Variants in CACNA2D2 observed in about 807,000 individuals in gnomAD.
CACNA2D2 encodes the protein calcium voltage-gated channel auxiliary subunit alpha2delta 2, also known as voltage-dependent calcium channel subunit alpha-2/delta-2.
Under a neutral mutation model 166.4 loss-of-function variants are expected in CACNA2D2, and 48 were observed. The observed-to-expected ratio is 0.29, with a 90% CI of 0.23 to 0.37. The LOEUF (loss-of-function observed/expected upper bound fraction) is 0.37. Ranked by LOEUF, CACNA2D2 falls within the 10% of genes least tolerant of loss-of-function variation. The pLI is 1.00. For synonymous variants in CACNA2D2, 561 were observed against 573.7 expected (o/e 0.98, Z 0.32); for missense variants, 1,122 against 1,433.0 (o/e 0.78, Z 3.50).
chr3:50,375,769 G>A lies in CACNA2D2; in HGVS notation c.1845+40C>T, dbSNP rs372471566. ...GCAGGGGGCGCTGGGGTAGAAGGGT[G>A]CCCACCCTGACTCCCTGGCCCCCAG... On this transcript the variant is annotated intron_variant, in intron 20 of 37. Transcript: ENST00000424201. The surrounding 1 kb of genome is among the most constrained non-coding windows in gnomAD (Gnocchi z 4.0). The A allele has an allele frequency of 2.2e-5, 35 of 1,612,668 alleles. No individual in the cohort carries two copies. The highest frequency in any genetic ancestry group is 8.0e-5 in the African/African-American group (6 of 74,910).
chr3:50,450,473 C>T (rs1416599241), intron 2 of CACNA2D2, among the ~76,000 whole-genome samples: 8 of 152,072 alleles, frequency 5.3e-5, no homozygotes, highest in Non-Finnish European at 1.0e-4. Flanking sequence ...AAATGAATCT[C>T]GAATCTTAAG....
At position 50,363,389 on chromosome 3, in the gene CACNA2D2, C is replaced by T; in HGVS notation, c.*1277G>A. On this transcript the variant is annotated 3_prime_UTR_variant, in exon 38 of 38. Transcript: ENST00000424201. ...CTATATCCCCTTGCCCTCAGTTCCC[C>T]ACTGGCCCCCAGGCTGGGATGCCTT... The T allele has an allele frequency of 2.5e-6, 1 of 397,796 alleles. No individual in the cohort carries two copies. The highest frequency in any genetic ancestry group is 4.4e-6 in the Non-Finnish European group (1 of 225,938). The allele number at this position is 397,796 out of a possible 1,614,324, so 24.6% of individuals were successfully genotyped here. A position where few individuals can be genotyped will look rare whatever the true frequency, so the allele number is the denominator to read the frequency against.
Position 50,380,113 on chromosome 3 carries a change from G to C in CACNA2D2, c.843-95C>G. On this transcript the variant is annotated intron_variant, in intron 8 of 37. Transcript: ENST00000424201. This position sits in a 1 kb window ranked among gnomAD's most constrained non-coding sequence, Gnocchi z 4.9. Reference sequence around the variant, plus strand: ...CATATTGATTCAATACATTTCTCTTGAGCATGCACTGTGTGGGCCAGGCAG... The same window carrying C: ...CATATTGATTCAATACATTTCTCTTCAGCATGCACTGTGTGGGCCAGGCAG... 1 of 1,288,092 alleles carries C rather than the reference G, an allele frequency of 7.8e-7. No individual in the cohort carries two copies. The highest frequency in any genetic ancestry group is 1.2e-5 in the South Asian group (1 of 81,732). The allele number at this position is 1,288,092 out of a possible 1,614,324, so 79.8% of individuals were successfully genotyped here. A position where few individuals can be genotyped will look rare whatever the true frequency, so the allele number is the denominator to read the frequency against.
intron 2 of CACNA2D2, among the ~76,000 whole-genome samples, chr3:50,437,190 C>A (rs1418074676): frequency 6.6e-6 from 1 of 152,212 alleles, no homozygotes; most frequent in Non-Finnish European, 1.5e-5. Flanking sequence ...TCTATTTCTA[C>A]TCGAGGACCC....
At chr3:50,481,150 G>A (rs920861868) in intron 1 of CACNA2D2, among the ~76,000 whole-genome samples, 4 of 152,024 alleles carry the variant, frequency 2.6e-5, no homozygotes, top group African/African-American at 9.7e-5. Context: ...GACACAGCAG[G>A]TTCACCCTCA....
chr3:50,502,139 C>T (rs772853186), intron 1 of CACNA2D2, among the ~76,000 whole-genome samples: 1 of 152,134 alleles, frequency 6.6e-6, no homozygotes, highest in Non-Finnish European at 1.5e-5. Flanking sequence ...GTTTAAATGA[C>T]GCAGAGCCAG....
At chr3:50,390,006 G>A (rs1457469688) in intron 4 of CACNA2D2, among the ~76,000 whole-genome samples, 1 of 149,666 alleles carries the variant, frequency 6.7e-6, no homozygotes, top group Non-Finnish European at 1.5e-5. Flanking sequence ...GGAGGGGGCT[G>A]TCAGGGTCAG....
intron 5 of CACNA2D2, among the ~76,000 whole-genome samples, chr3:50,385,418 C>A (rs768208292): frequency 6.6e-6 from 1 of 152,134 alleles, no homozygotes; most frequent in African/African-American, 2.4e-5. Context: ...CATGGGTCCA[C>A]GTGGGCTGAC....
At chr3:50,395,961 C>T (rs1266128810) in intron 3 of CACNA2D2, among the ~76,000 whole-genome samples, 1 of 152,166 alleles carries the variant, frequency 6.6e-6, no homozygotes, top group Non-Finnish European at 1.5e-5. Flanking sequence ...CTCTGCTTCC[C>T]TCTCCTTTGT....
chr3:50,446,606 A>G (rs1407029549), intron 2 of CACNA2D2, among the ~76,000 whole-genome samples: 1 of 152,206 alleles, frequency 6.6e-6, no homozygotes, highest in Non-Finnish European at 1.5e-5. Flanking sequence ...TATGAAAGTC[A>G]GCGGGGTCAG....
chr3:50,367,235 C>T lies in CACNA2D2; in HGVS notation c.2402-126G>A, dbSNP rs1704358696. 2.0e-6 allele frequency: 2 copies of T among 978,530 alleles called. No homozygotes were observed. Among genetic ancestry groups the T allele is most frequent in the South Asian group, 2.8e-5 (2 of 71,056 alleles). 60.6% of individuals were successfully genotyped at this position (978,530 alleles called of 1,614,324 possible). On this transcript the variant is annotated intron_variant, in intron 27 of 37. Transcript: ENST00000424201. The surrounding 1 kb of genome is among the most constrained non-coding windows in gnomAD (Gnocchi z 6.5). Reference sequence around the variant, plus strand: ...CAGCCCAAGCACCCAGCACTCAGGACAGTGTTTGGCACAGTCTATCCCTCT... The same window carrying T: ...CAGCCCAAGCACCCAGCACTCAGGATAGTGTTTGGCACAGTCTATCCCTCT...
chr3:50,380,068 G>A lies in CACNA2D2; in HGVS notation c.843-50C>T. The A allele has an allele frequency of 6.3e-7, 1 of 1,586,142 alleles. No individual in the cohort carries two copies. The highest frequency in any genetic ancestry group is 8.7e-7 in the Non-Finnish European group (1 of 1,154,902). On this transcript the variant is annotated intron_variant, in intron 8 of 37. Coordinates refer to ENST00000424201, the MANE Select transcript of CACNA2D2 (RefSeq NM_006030.4). This position sits in a 1 kb window ranked among gnomAD's most constrained non-coding sequence, Gnocchi z 4.9. ...GGTAAGGCCCACTGGGACCTTGTGG[G>A]TCCTTCCTTCCTTCACATACATATT...
rs1055010677 is a variant in CACNA2D2, at chr3:50,450,765, C to T, written c.289-16336G>A. Among the ~76,000 whole-genome samples the T allele has an allele frequency of 8.5e-4, 129 of 152,292 alleles. 1 individual carries two copies. Among genetic ancestry groups the T allele is most frequent in the African/African-American group, 5.8e-4 (24 of 41,556 alleles). On this transcript the variant is annotated intron_variant, in intron 2 of 37. Transcript: ENST00000424201. ...CTGACTCAGAGCCTTCCCTTCCCATCGGCAGGCCTCCCCTCCCTGCCCACA... is the reference window on the plus strand; with the variant it reads ...CTGACTCAGAGCCTTCCCTTCCCATTGGCAGGCCTCCCCTCCCTGCCCACA...
chr3:50,464,002 A>T (rs1273453636), intron 2 of CACNA2D2, among the ~76,000 whole-genome samples: 1 of 152,192 alleles, frequency 6.6e-6, no homozygotes, highest in African/African-American at 2.4e-5. Flanking sequence ...GCCTCTGCAG[A>T]TCATGCAGAG....
At chr3:50,438,744 G>C (rs554077765) in intron 2 of CACNA2D2, among the ~76,000 whole-genome samples, 149 of 152,288 alleles carry the variant, frequency 9.8e-4, no homozygotes, top group African/African-American at 3.3e-3. Flanking sequence ...ATTTTAGAAA[G>C]TCAGCAGCAA....
At chr3:50,473,682 C>T (rs1338865091) in intron 2 of CACNA2D2, among the ~76,000 whole-genome samples, 1 of 152,170 alleles carries the variant, frequency 6.6e-6, no homozygotes, top group Non-Finnish European at 1.5e-5. Flanking sequence ...GTGGCTCAGT[C>T]GGGGTCAGGG....
intron 2 of CACNA2D2, among the ~76,000 whole-genome samples, chr3:50,470,643 T>A (rs1385641893): frequency 6.8e-6 from 1 of 146,498 alleles, no homozygotes; most frequent in African/African-American, 2.5e-5. Flanking sequence ...CCACTCCCCA[T>A]CCAATCCTGT....
intron 1 of CACNA2D2, among the ~76,000 whole-genome samples, chr3:50,491,915 C>T (rs1351303853): frequency 6.6e-6 from 1 of 152,218 alleles, no homozygotes; most frequent in Admixed American, 6.5e-5. Context: ...TGGACACTGT[C>T]CAGCCCAGAC....
chr3:50,367,574 C>T lies in CACNA2D2; in HGVS notation c.2297+68G>A. ...AGTGGTCTCCACAGATGCAAGGAGGCCTCTGGGCAGAACAGATGCAGGTTC... is the reference window on the plus strand; with the variant it reads ...AGTGGTCTCCACAGATGCAAGGAGGTCTCTGGGCAGAACAGATGCAGGTTC... On this transcript the variant is annotated intron_variant, in intron 26 of 37. Transcript: ENST00000424201. The surrounding 1 kb of genome is among the most constrained non-coding windows in gnomAD (Gnocchi z 6.5). 2 of 1,603,908 alleles carry T rather than the reference C, an allele frequency of 1.2e-6. No individual in the cohort carries two copies. The highest frequency in any genetic ancestry group is 1.1e-5 in the South Asian group (1 of 90,496).
Sources: gnomAD v4.1 joint callset for allele counts (sites outside exome capture counted in the v4.1 genomes callset) on GRCh38, gnomAD v4.1.1 for gene constraint, Gnocchi (gnomAD v3.1) non-coding constraint, MANE v1.5 for transcripts, NCBI Gene and HGNC (gene_info 2026-07-23, HGNC 2026-07-21) for gene names.